RAD51B: variants seen among roughly 807,000 people sequenced by gnomAD.
RAD51B encodes the protein RAD51 paralog B.
Under a neutral mutation model 42.2 loss-of-function variants are expected in RAD51B, and 38 were observed. The ratio of observed to expected loss-of-function variants is 0.90; its 90% CI spans 0.70 to 1.18. The LOEUF (loss-of-function observed/expected upper bound fraction) is 1.18, where lower values mean the gene tolerates loss of function less well. Ranked by LOEUF, RAD51B falls within the 50% of genes most tolerant of loss-of-function variation. The probability of loss-of-function intolerance (pLI) is 0.00; values close to 1 mark genes in which losing one functional copy is unlikely to be tolerated. For synonymous variants in RAD51B, 154 were observed against 145.2 expected, an observed-to-expected ratio of 1.06 and a Z score of -0.43; for missense variants, 373 against 400.7, an observed-to-expected ratio of 0.93 and a Z score of 0.59.
intron 10 of RAD51B, among the ~76,000 whole-genome samples, chr14:68,503,460 G>A (rs1234042017): frequency 6.6e-6 from 1 of 152,132 alleles, no homozygotes; most frequent in Non-Finnish European, 1.5e-5. Context: ...CAGAGAAGGC[G>A]GCAAGGCCTC....
intron 9 of RAD51B, among the ~76,000 whole-genome samples, chr14:68,426,000 C>CT (rs2084834014): frequency 3.8e-5 from 5 of 132,396 alleles, no homozygotes; most frequent in African/African-American, 1.8e-4. Context: ...TCCTTCCTTC[C>CT]TTCCTTCCTT....
downstream of RAD51B, among the ~76,000 whole-genome samples, chr14:68,613,612 C>G (rs1294717621): frequency 6.6e-6 from 1 of 151,884 alleles, no homozygotes; most frequent in Non-Finnish European, 1.5e-5. Context: ...CACCACCACA[C>G]CCGGCTAGTT....
intron 7 of RAD51B, among the ~76,000 whole-genome samples, chr14:67,951,106 C>T (rs766303047): frequency 3.9e-5 from 6 of 152,122 alleles, no homozygotes; most frequent in Admixed American, 2.0e-4. Flanking sequence ...AAATGTGACA[C>T]GGACATGAAA....
intron 8 of RAD51B, among the ~76,000 whole-genome samples, chr14:68,382,781 A>G (rs565872029): frequency 3.8e-4 from 58 of 152,254 alleles, no homozygotes; most frequent in African/African-American, 1.3e-3. Flanking sequence ...AACATATCCT[A>G]CTGGTGGTAT....
intron 10 of RAD51B, among the ~76,000 whole-genome samples, chr14:68,605,766 A>T (rs78070987): frequency 1.3e-5 from 2 of 152,194 alleles, no homozygotes; most frequent in Non-Finnish European, 2.9e-5. Flanking sequence ...TTGGGGGGAC[A>T]CTATCCAACA....
chr14:68,206,813 G>A (rs1222225310), intron 7 of RAD51B, among the ~76,000 whole-genome samples: 5 of 139,500 alleles, frequency 3.6e-5, no homozygotes, highest in Non-Finnish European at 7.6e-5. Context: ...TTTTTGAGAC[G>A]GAGTCTCACT....
chr14:68,539,464 T>A (rs1466586156), intron 10 of RAD51B, among the ~76,000 whole-genome samples: 1 of 152,108 alleles, frequency 6.6e-6, no homozygotes, highest in African/African-American at 2.4e-5. Context: ...CACGTTAACC[T>A]CCAGGGGCAT....
chr14:67,981,690 G>T (rs1555335824), intron 7 of RAD51B, among the ~76,000 whole-genome samples: 1 of 152,172 alleles, frequency 6.6e-6, no homozygotes, highest in Non-Finnish European at 1.5e-5. Context: ...CATGCTGAGA[G>T]AAATAAGTCA....
At chr14:68,603,825 G>C (rs1052722417) in intron 10 of RAD51B, among the ~76,000 whole-genome samples, 1 of 152,212 alleles carries the variant, frequency 6.6e-6, no homozygotes, top group Non-Finnish European at 1.5e-5. Context: ...CCCTGCGGCC[G>C]CGCTGGCCCC....
chr14:68,162,699 G>C (rs1357039255), intron 7 of RAD51B, among the ~76,000 whole-genome samples: 1 of 152,048 alleles, frequency 6.6e-6, no homozygotes, highest in Non-Finnish European at 1.5e-5. Context: ...GCAGGAGAAT[G>C]GTGTGAACCC....
At chr14:68,028,579 C>T (rs1237467697) in intron 7 of RAD51B, among the ~76,000 whole-genome samples, 2 of 152,180 alleles carry the variant, frequency 1.3e-5, no homozygotes, top group East Asian at 1.9e-4. Context: ...ACTTGGGGCT[C>T]ATCTGCTGGA....
intron 10 of RAD51B, among the ~76,000 whole-genome samples, chr14:68,626,148 G>A (rs1265349920): frequency 2.0e-5 from 3 of 152,208 alleles, no homozygotes; most frequent in Non-Finnish European, 2.9e-5. Flanking sequence ...TATCTTCAAG[G>A]TGTCCACCAT....
chr14:68,146,480 CAG>C (rs768707420), intron 7 of RAD51B, among the ~76,000 whole-genome samples: 4 of 151,836 alleles, frequency 2.6e-5, no homozygotes, highest in East Asian at 3.9e-4. Context: ...GGAGGTGACT[CAG>C]GGGAATTTCA....
At chr14:67,873,326 C>T (rs1378488399) in intron 5 of RAD51B, among the ~76,000 whole-genome samples, 2 of 152,152 alleles carry the variant, frequency 1.3e-5, no homozygotes, top group Admixed American at 6.5e-5. Context: ...CAGCCAAAAA[C>T]ACATGAAAAA....
At chr14:68,130,925 T>A (rs961814519) in intron 7 of RAD51B, among the ~76,000 whole-genome samples, 7 of 152,098 alleles carry the variant, frequency 4.6e-5, no homozygotes, top group Non-Finnish European at 8.8e-5. Context: ...ATTTACCAAA[T>A]TTTGTTTTTT....
chr14:68,538,356 C>G (rs1887762786), intron 10 of RAD51B, among the ~76,000 whole-genome samples: 1 of 152,192 alleles, frequency 6.6e-6, no homozygotes, highest in South Asian at 2.1e-4. Flanking sequence ...GGCCAGGAGC[C>G]AGCTCTTCTC....
chr14:68,472,418 G>T (rs1390749141), intron 10 of RAD51B, among the ~76,000 whole-genome samples: 3 of 152,130 alleles, frequency 2.0e-5, no homozygotes, highest in Non-Finnish European at 2.9e-5. Context: ...AGTTTTCAGG[G>T]GCTCATAGGC....
chr14:68,114,859 G>A (rs2077514192), intron 7 of RAD51B, among the ~76,000 whole-genome samples: 1 of 152,078 alleles, frequency 6.6e-6, no homozygotes, highest in African/African-American at 2.4e-5. Flanking sequence ...GTAATTTTTA[G>A]TATGAAACTA....
chr14:68,094,852 A>G (rs1163952754), intron 7 of RAD51B, among the ~76,000 whole-genome samples: 1 of 152,236 alleles, frequency 6.6e-6, no homozygotes, highest in Non-Finnish European at 1.5e-5. Context: ...CCTATAAGGA[A>G]GAAAAATTCT....
Sources: allele counts gnomAD v4.1 joint callset (sites outside exome capture counted in the v4.1 genomes callset), GRCh38; gene constraint gnomAD v4.1.1; transcripts MANE v1.5; gene names NCBI Gene and HGNC (gene_info 2026-07-23, HGNC 2026-07-21).